Variants in SUPT20H observed in about 807,000 individuals in gnomAD.
The protein encoded by SUPT20H is SPT20 homolog, SAGA complex component, also known as transcription factor SPT20 homolog.
Under a neutral mutation model 122.8 loss-of-function variants are expected in SUPT20H, and 82 were observed. The ratio of observed to expected loss-of-function variants is 0.67; its 90% CI spans 0.56 to 0.80. The LOEUF (loss-of-function observed/expected upper bound fraction) is 0.80. SUPT20H is among the 30% of genes least tolerant of loss of function. The pLI, the probability that SUPT20H is intolerant of heterozygous loss-of-function variation, is 0.00. For synonymous variants in SUPT20H, 291 were observed against 313.0 expected, an observed-to-expected ratio of 0.93 and a Z score of 0.74; for missense variants, 831 against 921.6, an observed-to-expected ratio of 0.90 and a Z score of 1.27.
At chr13:37,040,313 A>C (rs2065245999) in intron 9 of SUPT20H, 92 bp downstream of exon 9, 3 of 1,148,434 alleles carry the variant, frequency 2.6e-6, no homozygotes, top group Non-Finnish European at 3.7e-6. Flanking sequence ...TAATTATTGA[A>C]TAAAAATAAG....
intron 23 of SUPT20H, among the ~76,000 whole-genome samples, chr13:37,016,557 G>A (rs971268810): frequency 6.6e-6 from 1 of 152,118 alleles, no homozygotes; most frequent in Non-Finnish European, 1.5e-5. Flanking sequence ...AAAACAGTAA[G>A]TTTTTAATGT....
intron 23 of SUPT20H, among the ~76,000 whole-genome samples, chr13:37,015,532 C>G (rs991566748): frequency 4.1e-5 from 6 of 145,912 alleles, no homozygotes; most frequent in Non-Finnish European, 9.1e-5. Flanking sequence ...CAGAAAATAA[C>G]AAGAGTTGGC....
intron 9 of SUPT20H, chr13:37,039,531 C>T (rs1483750420): frequency 6.6e-6 from 1 of 152,010 alleles, no homozygotes; most frequent in Non-Finnish European, 1.5e-5. Flanking sequence ...GAAAGTTAGC[C>T]AAAGCTTCGG....
At chr13:37,015,898 T>C (rs2060387250) in intron 23 of SUPT20H, among the ~76,000 whole-genome samples, 1 of 152,200 alleles carries the variant, frequency 6.6e-6, no homozygotes, top group Non-Finnish European at 1.5e-5. Flanking sequence ...GAAGACTTTA[T>C]GCCAAGTGAC....
At chr13:37,051,930 A>AT (rs1320958340) in intron 1 of SUPT20H, among the ~76,000 whole-genome samples, 1 of 152,186 alleles carries the variant, frequency 6.6e-6, no homozygotes, top group Non-Finnish European at 1.5e-5. Context: ...CCTTTGAATT[A>AT]TTTTAATAGC....
chr13:37,034,391 G>C (rs1220580486), intron 9 of SUPT20H, among the ~76,000 whole-genome samples: 1 of 152,240 alleles, frequency 6.6e-6, no homozygotes, highest in Non-Finnish European at 1.5e-5. Flanking sequence ...TGCTGATACA[G>C]AGGAAGTTTT....
intron 9 of SUPT20H, among the ~76,000 whole-genome samples, chr13:37,035,828 G>C (rs546418051): frequency 5.6e-4 from 86 of 152,306 alleles, no homozygotes; most frequent in African/African-American, 2.0e-3. Flanking sequence ...ATGGCACCTG[G>C]CAAAAGTGGT....
At chr13:37,010,900 CCT>C (rs900341147) in intron 24 of SUPT20H, 2 of 343,026 alleles carry the variant, frequency 5.8e-6, no homozygotes, top group Non-Finnish European at 1.1e-5. Context: ...AAGCACTGAA[CCT>C]CTCTTCTCTT....
Position 37,024,061 on chromosome 13 carries a change from G to T in SUPT20H, c.1565C>A (p.Ala522Asp). Reference protein sequence around the residue: ...LNQVSMLSPAALSPASSSQRT... With the variant: ...LNQVSMLSPADLSPASSSQRT... ...TTGTGATGAGCTGGCAGGTGATAGGGCAGCTGGAGAAAGCATGCTAACTTG... is the reference window on the plus strand; with the variant it reads ...TTGTGATGAGCTGGCAGGTGATAGGTCAGCTGGAGAAAGCATGCTAACTTG... Residue 522 changes from alanine to aspartate, a missense_variant, in exon 19 of 26, where the codon GCC becomes GAC. By Grantham distance (126) the Ala-to-Asp change is moderately radical. Coordinates refer to ENST00000350612, the MANE Select transcript of SUPT20H (RefSeq NM_001014286.3). The T allele has an allele frequency of 6.2e-7, 1 of 1,612,658 alleles. No homozygotes were observed. The highest frequency in any genetic ancestry group is 8.5e-7 in the Non-Finnish European group (1 of 1,179,394).
At chr13:37,047,441 TCA>T in intron 5 of SUPT20H, 92 bp downstream of exon 5, 1 of 1,287,408 alleles carries the variant, frequency 7.8e-7, no homozygotes, top group Non-Finnish European at 1.0e-6. Flanking sequence ...GTTAGTTCAC[TCA>T]CACACACAAA....
chr13:37,049,823 C>T (rs1304664291), intron 2 of SUPT20H, among the ~76,000 whole-genome samples: 1 of 152,116 alleles, frequency 6.6e-6, no homozygotes, highest in Non-Finnish European at 1.5e-5. Flanking sequence ...GTTTTATAGT[C>T]TTTTTCATTC....
At chr13:37,011,232 A>C (rs2059577767) in intron 24 of SUPT20H, among the ~76,000 whole-genome samples, 1 of 150,492 alleles carries the variant, frequency 6.6e-6, no homozygotes, top group Non-Finnish European at 1.5e-5. Flanking sequence ...CTCAGACTCA[A>C]AGTTAAGTAT....
chr13:37,013,984 G>A (rs369539521), intron 23 of SUPT20H: 2 of 152,064 alleles, frequency 1.3e-5, no homozygotes, highest in East Asian at 3.9e-4. Context: ...CAAACCTAAT[G>A]TAGACTATAA....
chr13:37,026,922 T>A, intron 14 of SUPT20H, 106 bp from the exon 15 acceptor site: 1 of 685,956 alleles, frequency 1.5e-6, no homozygotes, highest in Non-Finnish European at 2.2e-6. Flanking sequence ...GACTGGAAGA[T>A]AATAAATCAT....
rs1005692352 is a variant in SUPT20H at position 37,033,553 on chromosome 13, T to G, written c.603A>C (p.Leu201=). ...CAAGACAGAGTGGTTCAGCTGTAGC[T>G]AGGATGAGCTGGCTCTCAAGCAAAA... ...DKLLLESQLI[L]ATAEPLCLDP... The change falls in exon 10 of 26, where the codon CTA becomes CTC. Residue 201 remains leucine (L), a synonymous_variant. Transcript: ENST00000350612. 6.2e-7 allele frequency: 1 copy of G among 1,613,500 alleles called. No individual in the cohort carries two copies. Among genetic ancestry groups the G allele is most frequent in the Admixed American group, 1.7e-5 (1 of 59,916 alleles).
At chr13:37,047,804 A>C in intron 4 of SUPT20H, 74 bp downstream of exon 4, 1 of 1,443,072 alleles carries the variant, frequency 6.9e-7, no homozygotes, top group East Asian at 2.4e-5. Flanking sequence ...CTCAGTCCCT[A>C]CGAGGAATGC....
intron 12 of SUPT20H, 25 bp from the exon 13 acceptor site, chr13:37,029,861 C>G (rs753590109): frequency 6.5e-7 from 1 of 1,540,224 alleles, no homozygotes; most frequent in Non-Finnish European, 8.8e-7. Context: ...CAAGAAATAC[C>G]ACATAAAATA....
At chr13:37,035,608 C>T (rs1434768471) in intron 9 of SUPT20H, among the ~76,000 whole-genome samples, 1 of 151,904 alleles carries the variant, frequency 6.6e-6, no homozygotes, top group African/African-American at 2.4e-5. Context: ...GCAACCTTCA[C>T]CTCCTGGGTT....
chr13:37,031,671 A>G, intron 11 of SUPT20H, 48 bp from the exon 12 acceptor site: 5 of 1,540,480 alleles, frequency 3.2e-6, no homozygotes, highest in Non-Finnish European at 3.5e-6. Context: ...CAATATAAAT[A>G]TACTGAAAAT....
Sources: gnomAD v4.1 joint callset for allele counts (sites outside exome capture counted in the v4.1 genomes callset) on GRCh38, gnomAD v4.1.1 for gene constraint, MANE v1.5 for transcripts, NCBI Gene and HGNC (gene_info 2026-07-23, HGNC 2026-07-21) for gene names.